SCAPER: variants seen among roughly 807,000 people sequenced by gnomAD.
SCAPER encodes the protein S-phase cyclin A associated protein in the ER, also known as S phase cyclin A-associated protein in the endoplasmic reticulum.
Under a neutral mutation model 182.2 loss-of-function variants are expected in SCAPER, and 98 were observed. The ratio of observed to expected loss-of-function variants is 0.54; its 90% CI spans 0.46 to 0.64. The LOEUF is 0.64. Ranked by LOEUF, SCAPER falls within the 30% of genes least tolerant of loss-of-function variation. SCAPER has a pLI of 0.00. For missense variants in SCAPER, 1,432 were observed against 1,690.0 expected, an observed-to-expected ratio of 0.85 and a Z score of 2.68; for synonymous variants, 605 against 564.6, an observed-to-expected ratio of 1.07 and a Z score of -1.01.
intron 23 of SCAPER, among the ~76,000 whole-genome samples, chr15:76,514,845 T>C (rs1179976601): frequency 6.6e-6 from 1 of 152,228 alleles, no homozygotes; most frequent in Non-Finnish European, 1.5e-5. Context: ...TTTTCTACTA[T>C]CCTTGTCTGT....
intron 27 of SCAPER, among the ~76,000 whole-genome samples, chr15:76,394,770 A>G (rs971108025): frequency 6.6e-6 from 1 of 152,238 alleles, no homozygotes; most frequent in Non-Finnish European, 1.5e-5. Flanking sequence ...TGATACGAGC[A>G]TGCAATGAGT....
intron 3 of SCAPER, 84 bp downstream of exon 3, chr15:76,862,332 A>C: frequency 1.2e-6 from 1 of 806,372 alleles, no homozygotes; most frequent in Non-Finnish European, 2.0e-6. Flanking sequence ...GTCTAATTGC[A>C]AACAGTTTTC....
chr15:76,785,301 G>A (rs1467795535), intron 8 of SCAPER, among the ~76,000 whole-genome samples: 1 of 152,204 alleles, frequency 6.6e-6, no homozygotes, highest in Non-Finnish European at 1.5e-5. Flanking sequence ...CTGATCATCA[G>A]AGAAATGCAA....
At chr15:76,409,800 C>T (rs1049664056) in intron 26 of SCAPER, among the ~76,000 whole-genome samples, 6 of 151,740 alleles carry the variant, frequency 4.0e-5, no homozygotes, top group Admixed American at 4.0e-4. Context: ...ATCTCAAGGC[C>T]TACTTTTGTT....
intron 15 of SCAPER, among the ~76,000 whole-genome samples, chr15:76,734,206 T>C (rs1023671034): frequency 1.3e-5 from 2 of 152,244 alleles, no homozygotes; most frequent in Admixed American, 6.5e-5. Flanking sequence ...ACTTCACATA[T>C]ATTGATCCTT....
In SCAPER at chr15:76,575,474, A is replaced by G. The variant is rs181806658; in HGVS notation, c.2712-1190T>C. Among the ~76,000 whole-genome samples, 159 of 152,364 alleles carry G rather than the reference A, an allele frequency of 1.0e-3. 3 individuals are homozygous for G. The highest frequency in any genetic ancestry group is 3.7e-3 in the African/African-American group (156 of 41,600). The stretch of plus-strand genomic sequence containing the variant: ...AACAAGAAAATTTTCACTTTCGGCC[A>G]TAAAATCTACAAGCTTATCTGCATT... On this transcript the variant is annotated intron_variant, in intron 22 of 31. Coordinates refer to ENST00000563290, the MANE Select transcript of SCAPER (RefSeq NM_020843.4).
intron 17 of SCAPER, among the ~76,000 whole-genome samples, chr15:76,720,251 C>T (rs2060137960): frequency 3.9e-5 from 6 of 152,128 alleles, no homozygotes; most frequent in Admixed American, 3.3e-4. Context: ...CTACAAAGGA[C>T]ATGAACTCAT....
intron 8 of SCAPER, among the ~76,000 whole-genome samples, chr15:76,790,587 A>C (rs2064939236): frequency 6.6e-6 from 1 of 152,200 alleles, no homozygotes; most frequent in African/African-American, 2.4e-5. Flanking sequence ...TATAATACTC[A>C]TAAAAATCCT....
intron 23 of SCAPER, among the ~76,000 whole-genome samples, chr15:76,515,411 T>C (rs916877486): frequency 2.2e-4 from 34 of 152,368 alleles, no homozygotes; most frequent in African/African-American, 7.9e-4. Flanking sequence ...ACTGCAACTA[T>C]GGTTCCTTTT....
At chr15:76,608,525 C>G (rs2050672925) in intron 22 of SCAPER, among the ~76,000 whole-genome samples, 1 of 152,128 alleles carries the variant, frequency 6.6e-6, no homozygotes, top group African/African-American at 2.4e-5. Context: ...GCTGGGAGAA[C>G]CACTACTCTC....
intron 21 of SCAPER, among the ~76,000 whole-genome samples, chr15:76,663,467 GA>G (rs1480098613): frequency 6.6e-6 from 1 of 151,946 alleles, no homozygotes; most frequent in Non-Finnish European, 1.5e-5. Context: ...TCCCAGATTG[GA>G]AACCTAAATG....
At chr15:76,802,029 A>C (rs1210979823) in intron 6 of SCAPER, among the ~76,000 whole-genome samples, 1 of 152,162 alleles carries the variant, frequency 6.6e-6, no homozygotes, top group Non-Finnish European at 1.5e-5. Context: ...TACAATCCTC[A>C]ACACAGCCAC....
chr15:76,597,564 C>A (rs1186579276), intron 22 of SCAPER, among the ~76,000 whole-genome samples: 1 of 121,380 alleles, frequency 8.2e-6, no homozygotes, highest in East Asian at 2.2e-4. Context: ...TACAAGGCTA[C>A]AGTAACCAAA....
chr15:76,784,632 A>G (rs2064439289), intron 8 of SCAPER, among the ~76,000 whole-genome samples: 1 of 152,244 alleles, frequency 6.6e-6, no homozygotes, highest in Non-Finnish European at 1.5e-5. Flanking sequence ...CTGACTTCAA[A>G]CTATACTACA....
At chr15:76,786,089 G>A (rs1484248942) in intron 8 of SCAPER, among the ~76,000 whole-genome samples, 1 of 152,068 alleles carries the variant, frequency 6.6e-6, no homozygotes, top group Non-Finnish European at 1.5e-5. Flanking sequence ...AGCACTTTGG[G>A]AGACCTAGGT....
At chr15:76,799,451 T>C (rs995792579) in intron 7 of SCAPER, among the ~76,000 whole-genome samples, 1 of 150,046 alleles carries the variant, frequency 6.7e-6, no homozygotes, top group African/African-American at 2.5e-5. Flanking sequence ...TTAGTAGAGA[T>C]GGGGTTTTGC....
At chr15:76,673,677 T>C (rs1025901656) in intron 20 of SCAPER, among the ~76,000 whole-genome samples, 5 of 152,138 alleles carry the variant, frequency 3.3e-5, no homozygotes, top group Non-Finnish European at 7.4e-5. Flanking sequence ...CCAGTAGCAA[T>C]GAGCATCTCT....
At chr15:76,891,827 C>CAA (rs2074183243) in intron 1 of SCAPER, among the ~76,000 whole-genome samples, 1 of 152,078 alleles carries the variant, frequency 6.6e-6, no homozygotes, top group African/African-American at 2.4e-5. Flanking sequence ...GAATTTTTTC[C>CAA]AATTTGGTTC....
intron 27 of SCAPER, among the ~76,000 whole-genome samples, chr15:76,384,455 C>A (rs1468702598): frequency 6.6e-6 from 1 of 151,964 alleles, no homozygotes; most frequent in Non-Finnish European, 1.5e-5. Flanking sequence ...TGTAAAAAAT[C>A]TTTTTTTTAA....
Sources: allele counts gnomAD v4.1 joint callset (sites outside exome capture counted in the v4.1 genomes callset), GRCh38; gene constraint gnomAD v4.1.1; transcripts MANE v1.5; gene names NCBI Gene and HGNC (gene_info 2026-07-23, HGNC 2026-07-21).